Variants in SMARCC2 observed in about 807,000 individuals in gnomAD.
SMARCC2 encodes SWI/SNF complex subunit SMARCC2.
In SMARCC2, 15 loss-of-function variants were observed where a neutral mutation model predicts 151.3. The observed-to-expected ratio is 0.10, with a 90% CI of 0.07 to 0.15. The LOEUF (loss-of-function observed/expected upper bound fraction) is 0.15. SMARCC2 is among the 10% of genes least tolerant of loss of function. The pLI, the probability that SMARCC2 is intolerant of heterozygous loss-of-function variation, is 1.00. For synonymous variants in SMARCC2, 590 were observed against 609.5 expected (o/e 0.97, Z 0.47); for missense variants, 1,031 against 1,599.7 (o/e 0.64, Z 6.06).
chr12:56,188,908 G>A (rs970358911), intron 1 of SMARCC2, among the ~76,000 whole-genome samples: 1 of 151,972 alleles, frequency 6.6e-6, no homozygotes, highest in African/African-American at 2.4e-5. Context: ...CTCTCTCTCT[G>A]AACATACACA....
In SMARCC2 at chr12:56,164,606, G is replaced by A. The variant is rs989944014; in HGVS notation, c.3358C>T (p.Pro1120Ser). The A allele has an allele frequency of 8.7e-6, 14 of 1,613,914 alleles. No homozygotes were observed. The highest frequency in any genetic ancestry group is 1.7e-4 in the Middle Eastern group (1 of 6,060). ...ATGATGGATGGAGCAGGAGGAGGAG[G>A]AGGAGGCGGCATGCCAAAAGGCAAA... ...LGLPFGMPPPPPPPAPSIIPF... is the reference protein window; with the variant it reads ...LGLPFGMPPPSPPPAPSIIPF... Residue 1120 changes from proline (P) to serine (S), a missense_variant, in exon 28 of 29, where the codon CCT (proline) becomes TCT (serine). Pro to Ser is a moderately conservative substitution (Grantham distance 74, BLOSUM62 -1). Transcript: ENST00000550164.
chr12:56,165,326 C>T lies in SMARCC2; in HGVS notation c.3224G>A (p.Gly1075Glu). ...TGGAACATAACACTTACCATGGGGTCCAGGGGGGGGAACCCCTGGTGGGAC... is the reference window on the plus strand; with the variant it reads ...TGGAACATAACACTTACCATGGGGTTCAGGGGGGGGAACCCCTGGTGGGAC... ...GAVPPGVPPP[G>E]PHGPSPFPNQ... is the part of the protein sequence containing the mutation. The change falls in exon 27 of 29, where the codon GGA (glycine) becomes GAA (glutamate). Residue 1075 changes from glycine to glutamate, a missense_variant. This residue lies in a region of SMARCC2 where 310 missense variants were observed against 350.0 expected (regional missense o/e 0.89). Transcript: ENST00000550164. 1 of 1,494,718 alleles carries T rather than the reference C, an allele frequency of 6.7e-7. No individual in the cohort carries two copies. Among genetic ancestry groups the T allele is most frequent in the Non-Finnish European group, 8.9e-7 (1 of 1,125,656 alleles). 92.6% of individuals were successfully genotyped at this position (1,494,718 alleles called of 1,614,324 possible).
chr12:56,174,451 G>A (rs1238791466), intron 16 of SMARCC2, 200 bp downstream of exon 16: 4 of 529,156 alleles, frequency 7.6e-6, no homozygotes, highest in Non-Finnish European at 1.4e-5. Flanking sequence ...CTCCTTCTTT[G>A]TCCTATATTC....
At position 56,171,432 on chromosome 12, in the gene SMARCC2, T is replaced by G. The variant is rs1393120814; in HGVS notation, c.2186A>C (p.Glu729Ala). 6.2e-7 allele frequency: 1 copy of G among 1,614,092 alleles called. No individual in the cohort carries two copies. Among genetic ancestry groups the G allele is most frequent in the Non-Finnish European group, 8.5e-7 (1 of 1,180,036 alleles). Residue 729 changes from glutamate to alanine, a missense_variant and splice_region_variant, in exon 22 of 29, where the codon GAG (glutamate) becomes GCG (alanine). Glu to Ala is a moderately radical substitution (Grantham distance 107). This residue lies in a region of SMARCC2 where 51 missense variants were observed against 137.9 expected (regional missense o/e 0.37). Transcript: ENST00000550164. The surrounding 1 kb of genome is among the most constrained non-coding windows in gnomAD (Gnocchi z 4.2). ...CTCTTCCTTCATTTTGGAGAACTCC[T>G]CTGCAAGACCCAGAAAGAATGAGGC... is the stretch of plus-strand genomic sequence containing the variant. ...VASAAAKSAL[E>A]EFSKMKEEVP...
At chr12:56,181,457 G>A (rs373707867) in intron 10 of SMARCC2, 25 bp downstream of exon 10, 10 of 1,323,676 alleles carry the variant, frequency 7.6e-6, no homozygotes, top group East Asian at 2.3e-5. Context: ...TGGTGAACAC[G>A]GGGGCAGGCT....
At chr12:56,169,976 G>T in intron 23 of SMARCC2, 65 bp from the exon 24 acceptor site, 1 of 1,501,422 alleles carries the variant, frequency 6.7e-7, no homozygotes, top group Non-Finnish European at 9.2e-7. Flanking sequence ...TCACACAGAG[G>T]GGCCAGACGG....
chr12:56,182,912 C>A (rs1876518233), intron 7 of SMARCC2, among the ~76,000 whole-genome samples: 1 of 150,276 alleles, frequency 6.7e-6, no homozygotes, highest in South Asian at 2.1e-4. Context: ...TGGCACAATG[C>A]AGACTCAACC....
At position 56,181,804 on chromosome 12, in the gene SMARCC2, G is replaced by A; in HGVS notation, c.740C>T (p.Thr247Ile). 1 of 1,614,104 alleles carries A rather than the reference G, an allele frequency of 6.2e-7. No homozygotes were observed. Among genetic ancestry groups the A allele is most frequent in the South Asian group, 1.1e-5 (1 of 91,078 alleles). ...TTCCTCATTCATCCATTCATTGAAGGTGTCGGTGTCCAGGATCCACTTTGC... is the reference window on the plus strand; with the variant it reads ...TTCCTCATTCATCCATTCATTGAAGATGTCGGTGTCCAGGATCCACTTTGC... The part of the protein sequence containing the change: ...VHAKWILDTD[T>I]FNEWMNEEDY... The change falls in exon 9 of 29, where the codon ACC becomes ATC. Residue 247 changes from threonine to isoleucine, a missense_variant. This residue lies in a region of SMARCC2 where 123 missense variants were observed against 190.4 expected (regional missense o/e 0.65). Coordinates refer to ENST00000550164, the MANE Select transcript of SMARCC2 (RefSeq NM_001330288.2).
rs751111954 is a variant in SMARCC2 at position 56,189,476 on chromosome 12, G to T, written c.-15C>A. 2.1e-6 allele frequency: 3 copies of T among 1,442,762 alleles called. No individual in the cohort carries two copies. Among genetic ancestry groups the T allele is most frequent in the Admixed American group, 4.1e-5 (2 of 48,580 alleles). 89.4% of individuals were successfully genotyped at this position (1,442,762 alleles called of 1,614,324 possible). A position where few individuals can be genotyped will look rare whatever the true frequency, so the allele number is the denominator to read the frequency against. ...CGCACCGCCATCTTCTCCGGCTCGG[G>T]CCCCGCCGCCGCCCGCCCCACTCAG... On this transcript the variant is annotated 5_prime_UTR_variant, in exon 1 of 29. Coordinates refer to ENST00000550164, the MANE Select transcript of SMARCC2 (RefSeq NM_001330288.2).
Position 56,165,614 on chromosome 12 carries a change from T to G in SMARCC2, c.2936A>C (p.Gln979Pro). 6.2e-7 allele frequency: 1 copy of G among 1,613,774 alleles called. No individual in the cohort carries two copies. Among genetic ancestry groups the G allele is most frequent in the Non-Finnish European group, 8.5e-7 (1 of 1,180,046 alleles). ...TTGGTGCATCTGTTGGAAGTGCTGC[T>G]GCCGAGCCCTCATCTCCGCATACTT... ...QLKYAEMRAR[Q>P]QHFQQMHQQQ... The change falls in exon 27 of 29, where the codon CAG becomes CCG. Residue 979 changes from glutamine (Q) to proline (P), a missense_variant. Transcript: ENST00000550164.
chr12:56,172,394 C>A, intron 20 of SMARCC2, 34 bp downstream of exon 20: 1 of 1,529,810 alleles, frequency 6.5e-7, no homozygotes, highest in South Asian at 1.3e-5. Context: ...CTTCTGTTTT[C>A]AGAGAAAAAC....
At chr12:56,189,330 G>T in intron 1 of SMARCC2, 21 bp downstream of exon 1, 1 of 1,435,400 alleles carries the variant, frequency 7.0e-7, no homozygotes, top group Non-Finnish European at 9.4e-7. Context: ...GTCCCCGCGC[G>T]GCCCGGCCCG....
chr12:56,165,195 G>C (rs955951301), intron 27 of SMARCC2, 123 bp downstream of exon 27: 11 of 1,237,408 alleles, frequency 8.9e-6, no homozygotes, highest in Admixed American at 2.7e-5. Context: ...AAGAGAGATG[G>C]GCCCATCTGT....
At chr12:56,167,348 CAAATAAATAAAT>C (rs577110686) in intron 26 of SMARCC2, among the ~76,000 whole-genome samples, 4 of 151,780 alleles carry the variant, frequency 2.6e-5, no homozygotes, top group Admixed American at 6.6e-5. Flanking sequence ...AACTCTGTCT[CAAATAAATAAAT>C]AAATAAATAA....
chr12:56,189,242 C>CG, intron 1 of SMARCC2, 109 bp downstream of exon 1: 1 of 360,532 alleles, frequency 2.8e-6, no homozygotes, highest in Non-Finnish European at 3.9e-6. Context: ...TGGGAGGCCG[C>CG]GGGGGAGGGG....
At chr12:56,187,420 C>A in intron 1 of SMARCC2, 114 bp from the exon 2 acceptor site, 1 of 985,912 alleles carries the variant, frequency 1.0e-6, no homozygotes. Context: ...AAATAGTGCC[C>A]TTCTCCCCAT....
intron 1 of SMARCC2, among the ~76,000 whole-genome samples, chr12:56,188,261 A>G (rs533756083): frequency 2.0e-5 from 3 of 152,320 alleles, no homozygotes; most frequent in African/African-American, 7.2e-5. Flanking sequence ...AGCCTCTCAC[A>G]GGCGTAGAGA....
chr12:56,173,309 T>G (rs1335879873), intron 17 of SMARCC2, among the ~76,000 whole-genome samples: 1 of 152,194 alleles, frequency 6.6e-6, no homozygotes, highest in Non-Finnish European at 1.5e-5. Context: ...CTTCCTAATT[T>G]TTGTAATGGA....
intron 15 of SMARCC2, among the ~76,000 whole-genome samples, chr12:56,176,610 T>TG (rs1875025097): frequency 6.6e-6 from 1 of 151,660 alleles, no homozygotes; most frequent in Non-Finnish European, 1.5e-5. Context: ...CCCAAGTAGC[T>TG]GGAACTACAG....
Sources: allele counts gnomAD v4.1 joint callset (sites outside exome capture counted in the v4.1 genomes callset), GRCh38; gene constraint gnomAD v4.1.1; regional missense constraint gnomAD v4.1.1; non-coding constraint Gnocchi (gnomAD v3.1); transcripts MANE v1.5; gene names NCBI Gene and HGNC (gene_info 2026-07-23, HGNC 2026-07-21).